The following FABP6 variants were observed in gnomAD, a reference collection of about 807,000 sequenced individuals.
The protein encoded by FABP6 is fatty acid binding protein 6, also known as gastrotropin.
In FABP6, 13 loss-of-function variants were observed where a neutral mutation model predicts 14.9. The observed-to-expected ratio is 0.87, with a 90% CI of 0.57 to 1.39. The LOEUF (loss-of-function observed/expected upper bound fraction) is 1.39, where lower values mean the gene tolerates loss of function less well. Among genes scored for constraint, FABP6 ranks in the 40% most tolerant of loss-of-function variants. The pLI is 0.00. For synonymous variants in FABP6, 75 were observed against 63.6 expected (o/e 1.18, Z -0.85); for missense variants, 161 against 167.2 (o/e 0.96, Z 0.20).
chr5:160,209,601 G>T (rs557313032), intron 2 of FABP6, among the ~76,000 whole-genome samples: 1 of 152,314 alleles, frequency 6.6e-6, no homozygotes, highest in East Asian at 1.9e-4. Context: ...TACCGTCTTG[G>T]TATTCTACAG....
chr5:160,234,798 T>C (rs1017353912), intron 2 of FABP6, 22 bp from the exon 3 acceptor site: 1 of 1,585,192 alleles, frequency 6.3e-7, no homozygotes, highest in African/African-American at 1.3e-5. Flanking sequence ...AACCCAGGCT[T>C]AATGTTGTGC....
chr5:160,195,486 G>A (rs1197144728), intron 1 of FABP6, among the ~76,000 whole-genome samples: 2 of 151,906 alleles, frequency 1.3e-5, no homozygotes, highest in South Asian at 2.1e-4. Context: ...ACAGGGACAC[G>A]TTCTGTGGCC....
At chr5:160,188,574 C>T (rs1197723267) in intron 1 of FABP6, among the ~76,000 whole-genome samples, 3 of 152,208 alleles carry the variant, frequency 2.0e-5, no homozygotes, top group South Asian at 2.1e-4. Flanking sequence ...TGCACCGACC[C>T]TCCGGGGACC....
intron 1 of FABP6, chr5:160,195,701 A>G (rs1263616523): frequency 5.3e-5 from 8 of 152,180 alleles, no homozygotes; most frequent in Non-Finnish European, 1.2e-4. Flanking sequence ...TCGGCCTCCT[A>G]AAGTGCTGGG....
chr5:160,233,723 A>C (rs1428592346), intron 2 of FABP6, among the ~76,000 whole-genome samples: 1 of 152,070 alleles, frequency 6.6e-6, no homozygotes, highest in Non-Finnish European at 1.5e-5. Flanking sequence ...AAATACAAAA[A>C]TTAGCCAGGC....
intron 3 of FABP6, among the ~76,000 whole-genome samples, chr5:160,224,120 C>T (rs1218938155): frequency 6.6e-6 from 1 of 151,924 alleles, no homozygotes; most frequent in Non-Finnish European, 1.5e-5. Flanking sequence ...CCTGTAGTCC[C>T]AGCTACTCAG....
chr5:160,210,483 G>C (rs57796322), intron 2 of FABP6, among the ~76,000 whole-genome samples: 10,751 of 152,232 alleles, frequency 0.071, 622 homozygotes, highest in East Asian at 0.36. Flanking sequence ...GTGGGCAAGT[G>C]GGGTAGATCA....
chr5:160,238,075 C>T lies in FABP6; in HGVS notation c.334-531C>T, dbSNP rs535678314. 1.1e-4 allele frequency among the ~76,000 whole-genome samples: 16 copies of T among 152,260 alleles called. No individual in the cohort carries two copies. In the East Asian group the frequency reaches 3.1e-3, roughly 29 times the overall value. ...GCAGCACAGCTCCACAGCATGGAGC[C>T]TGGGGCACCGCACACTGTGGGCCTT... On this transcript the variant is annotated intron_variant, in intron 3 of 3. Transcript: ENST00000402432.
At chr5:160,202,371 A>G (rs1414040900) in intron 2 of FABP6, among the ~76,000 whole-genome samples, 1 of 152,174 alleles carries the variant, frequency 6.6e-6, no homozygotes, top group Non-Finnish European at 1.5e-5. Context: ...ATATACAAAC[A>G]TACAATACCC....
chr5:160,214,690 A>T (rs1300894747), intron 3 of FABP6, among the ~76,000 whole-genome samples: 2 of 150,736 alleles, frequency 1.3e-5, no homozygotes, highest in African/African-American at 4.9e-5. Context: ...GCAGTGTCTT[A>T]TGTCTGTAAT....
chr5:160,223,384 TCTC>T (rs1760173287), intron 3 of FABP6, among the ~76,000 whole-genome samples: 1 of 49,258 alleles, frequency 2.0e-5, no homozygotes, highest in African/African-American at 1.2e-4. Context: ...CCTCCCTCCC[TCTC>T]TCCTTCCTTC....
At chr5:160,204,318 C>A (rs1260302892) in intron 2 of FABP6, among the ~76,000 whole-genome samples, 1 of 151,622 alleles carries the variant, frequency 6.6e-6, no homozygotes, top group Non-Finnish European at 1.5e-5. Context: ...CTCCCCATCT[C>A]TAATAAAATA....
At chr5:160,198,002 C>T in intron 1 of FABP6, 1 of 125,768 alleles carries the variant, frequency 8.0e-6, no homozygotes, top group Non-Finnish European at 1.7e-5. Context: ...GAAAGAGGAG[C>T]AGGAGGTGGG....
At chr5:160,205,343 A>G (rs1759740080) in intron 2 of FABP6, among the ~76,000 whole-genome samples, 1 of 149,738 alleles carries the variant, frequency 6.7e-6, no homozygotes, top group Non-Finnish European at 1.5e-5. Context: ...AAAAAAAGCA[A>G]CTGAAATACC....
chr5:160,225,195 C>T (rs1760218678), upstream of FABP6, among the ~76,000 whole-genome samples: 1 of 151,538 alleles, frequency 6.6e-6, no homozygotes, highest in Non-Finnish European at 1.5e-5. Flanking sequence ...CACCTGGGTT[C>T]AGGCAATTAT....
At chr5:160,218,461 CT>C (rs10692189) in intron 3 of FABP6, among the ~76,000 whole-genome samples, 8,864 of 116,246 alleles carry the variant, frequency 0.076, 444 homozygotes, top group East Asian at 0.36. Flanking sequence ...TAGTCTTTGA[CT>C]TTTTTTTTTT....
chr5:160,220,223 C>T (rs1760102063), intron 3 of FABP6, among the ~76,000 whole-genome samples: 1 of 152,190 alleles, frequency 6.6e-6, no homozygotes, highest in Admixed American at 6.5e-5. Flanking sequence ...CAACAATCAC[C>T]TGTGAAATGC....
chr5:160,223,362 T>TCCTTCCTTCCTTCCTTCCTTCCTTCC (rs1554113807), intron 3 of FABP6, among the ~76,000 whole-genome samples: 1 of 33,056 alleles, frequency 3.0e-5, no homozygotes, highest in East Asian at 9.0e-4. Flanking sequence ...TCCTTCCTTC[T>TCCTTCCTTCCTTCCTTCCTTCCTTCC]TTCCCTCCCT....
chr5:160,201,906 G>T (rs1025997097), intron 2 of FABP6, among the ~76,000 whole-genome samples: 4 of 152,146 alleles, frequency 2.6e-5, no homozygotes, highest in African/African-American at 7.2e-5. Flanking sequence ...GGGACTGCAG[G>T]TGCACACCAC....
Sources: gnomAD v4.1 joint callset for allele counts (sites outside exome capture counted in the v4.1 genomes callset) on GRCh38, gnomAD v4.1.1 for gene constraint, MANE v1.5 for transcripts, NCBI Gene and HGNC (gene_info 2026-07-23, HGNC 2026-07-21) for gene names.